Variants in ADAM19 observed in about 807,000 individuals in gnomAD.
ADAM19 encodes disintegrin and metalloproteinase domain-containing protein 19.
In ADAM19, 65 loss-of-function variants were observed where a neutral mutation model predicts 114.7. The observed-to-expected ratio is 0.57, with a 90% CI of 0.46 to 0.70. ADAM19 has a LOEUF of 0.70. Among genes scored for constraint, ADAM19 ranks in the 30% least tolerant of loss-of-function variants. The pLI, the probability that ADAM19 is intolerant of heterozygous loss-of-function variation, is 0.00. For synonymous variants in ADAM19, 466 were observed against 460.5 expected (o/e 1.01, Z -0.15); for missense variants, 1,063 against 1,204.7 (o/e 0.88, Z 1.74).
At position 157,491,929 on chromosome 5, in the gene ADAM19, CAG is replaced by C; in HGVS notation, c.1909-19_1909-18del. 6.2e-7 allele frequency: 1 copy of C among 1,613,398 alleles called. No individual in the cohort carries two copies. Among genetic ancestry groups the C allele is most frequent in the Non-Finnish European group, 8.5e-7 (1 of 1,179,366 alleles). ...AAAGCAAATCTGCACGGAGAGAAAA[CAG>C]AACGATCAGTGCAATGGGAGGGATG... On this transcript the variant is annotated intron_variant, in intron 16 of 22. Transcript: ENST00000257527.
intron 5 of ADAM19, among the ~76,000 whole-genome samples, chr5:157,521,350 A>G (rs191212179): frequency 6.2e-4 from 95 of 152,296 alleles, no homozygotes; most frequent in African/African-American, 2.2e-3. Context: ...ATGCTCTAAA[A>G]CCTCAGGCAG....
chr5:157,567,571 G>T (rs1230455786), intron 2 of ADAM19, among the ~76,000 whole-genome samples: 2 of 152,178 alleles, frequency 1.3e-5, no homozygotes, highest in Non-Finnish European at 2.9e-5. Context: ...GCCAAGGTGG[G>T]CGGATCCCTG....
At chr5:157,534,831 G>A (rs1298066321) in intron 4 of ADAM19, among the ~76,000 whole-genome samples, 1 of 152,194 alleles carries the variant, frequency 6.6e-6, no homozygotes, top group Non-Finnish European at 1.5e-5. Flanking sequence ...ACAGCAAAGT[G>A]GATACTGGAA....
chr5:157,520,147 C>A, intron 5 of ADAM19, 116 bp from the exon 6 acceptor site: 1 of 1,022,580 alleles, frequency 9.8e-7, no homozygotes, highest in Non-Finnish European at 1.4e-6. Flanking sequence ...ATCATTGGTT[C>A]TTAACCTAAT....
rs1754656931 is a variant in ADAM19 at position 157,478,359 on chromosome 5, G to C, written c.*2590C>G. ...CCTGAACGTGGTTCTTTCTAGCCATGTTTACTTCTTCCAATAAAAGAAAAG... is the reference window on the plus strand; with the variant it reads ...CCTGAACGTGGTTCTTTCTAGCCATCTTTACTTCTTCCAATAAAAGAAAAG... On this transcript the variant is annotated 3_prime_UTR_variant, in exon 23 of 23. Coordinates refer to ENST00000257527, the MANE Select transcript of ADAM19 (RefSeq NM_033274.5). 6.5e-6 allele frequency: 1 copy of C among 153,294 alleles called. No individual in the cohort carries two copies. Among genetic ancestry groups the C allele is most frequent in the South Asian group, 2.1e-4 (1 of 4,778 alleles). The allele number at this position is 153,294 out of a possible 1,614,324, so 9.5% of individuals were successfully genotyped here.
chr5:157,569,051 G>A (rs548152709), intron 2 of ADAM19: 1 of 152,232 alleles, frequency 6.6e-6, no homozygotes, highest in East Asian at 1.9e-4. Context: ...TCCTCAGGGG[G>A]TATGAATAGG....
intron 7 of ADAM19, 67 bp from the exon 8 acceptor site, chr5:157,513,572 T>C: frequency 7.1e-7 from 1 of 1,416,206 alleles, no homozygotes; most frequent in Non-Finnish European, 1.0e-6. Context: ...TGCGCCCCAT[T>C]ACTTGTCTTT....
intron 3 of ADAM19, among the ~76,000 whole-genome samples, chr5:157,556,344 G>A (rs1449427141): frequency 4.7e-5 from 7 of 148,420 alleles, no homozygotes; most frequent in East Asian, 2.0e-4. Flanking sequence ...TCAACCTCCC[G>A]AGTAGCTGGG....
intron 3 of ADAM19, among the ~76,000 whole-genome samples, chr5:157,548,186 G>A (rs539232317): frequency 5.3e-5 from 8 of 151,870 alleles, no homozygotes; most frequent in South Asian, 4.2e-4. Context: ...CAGACTTCCC[G>A]TGCCCCCAAT....
intron 15 of ADAM19, 112 bp downstream of exon 15, chr5:157,494,575 C>T (rs1014372461): frequency 6.9e-5 from 54 of 784,198 alleles, no homozygotes; most frequent in Non-Finnish European, 8.4e-5. Context: ...AACTGATTGA[C>T]GTAAAGGTGC....
At chr5:157,550,261 G>C (rs369910449) in intron 3 of ADAM19, among the ~76,000 whole-genome samples, 4 of 152,304 alleles carry the variant, frequency 2.6e-5, no homozygotes, top group South Asian at 2.1e-4. Context: ...CTTATCCCAG[G>C]CTCTCTCCTG....
intron 2 of ADAM19, among the ~76,000 whole-genome samples, chr5:157,565,454 C>T (rs976279445): frequency 2.0e-5 from 3 of 152,186 alleles, no homozygotes; most frequent in Non-Finnish European, 2.9e-5. Flanking sequence ...CACAGTGGCT[C>T]ACGCCTGTAA....
intron 8 of ADAM19, among the ~76,000 whole-genome samples, chr5:157,510,717 G>A (rs1475036111): frequency 1.3e-5 from 2 of 152,182 alleles, no homozygotes; most frequent in Non-Finnish European, 2.9e-5. Flanking sequence ...ATGTGTTAGA[G>A]TGTATTCGTT....
At chr5:157,562,547 T>G (rs1183032878) in intron 3 of ADAM19, among the ~76,000 whole-genome samples, 1 of 152,180 alleles carries the variant, frequency 6.6e-6, no homozygotes, top group Non-Finnish European at 1.5e-5. Context: ...TACCCTCATT[T>G]TATAAACAAG....
Position 157,575,690 on chromosome 5 carries a change from C to T in ADAM19, c.7G>A (p.Gly3Arg). MP[G>R]GAGAARLCLL... ...CAGAGCCGGGCGGCGCCTGCGCCCCCTGGCATGGTGGCGGCGGCCCTTAGC... is the reference window on the plus strand; with the variant it reads ...CAGAGCCGGGCGGCGCCTGCGCCCCTTGGCATGGTGGCGGCGGCCCTTAGC... The change falls in exon 1 of 23, where the codon GGG (glycine) becomes AGG (arginine). Residue 3 changes from glycine to arginine, a missense_variant. Physicochemically the swap from Gly to Arg is moderately radical, Grantham distance 125. Coordinates refer to ENST00000257527, the MANE Select transcript of ADAM19 (RefSeq NM_033274.5). The T allele has an allele frequency of 3.0e-6, 4 of 1,330,980 alleles. No individual in the cohort carries two copies. Among genetic ancestry groups the T allele is most frequent in the Non-Finnish European group, 3.8e-6 (4 of 1,045,288 alleles). The allele number at this position is 1,330,980 out of a possible 1,614,324, so 82.4% of individuals were successfully genotyped here.
At chr5:157,571,101 G>T in intron 1 of ADAM19, 121 bp from the exon 2 acceptor site, 2 of 772,586 alleles carry the variant, frequency 2.6e-6, no homozygotes, top group Non-Finnish European at 4.2e-6. Context: ...TGGATTTCAG[G>T]CTCTTGGCAC....
intron 4 of ADAM19, among the ~76,000 whole-genome samples, chr5:157,535,428 T>C (rs1325311681): frequency 6.6e-6 from 1 of 152,222 alleles, no homozygotes; most frequent in Non-Finnish European, 1.5e-5. Flanking sequence ...AGCTGAGTAG[T>C]TTATTCCATT....
chr5:157,488,348 A>C lies in ADAM19; in HGVS notation c.2467T>G (p.Ser823Ala). 1 of 1,614,064 alleles carries C rather than the reference A, an allele frequency of 6.2e-7. No homozygotes were observed. The highest frequency in any genetic ancestry group is 8.5e-7 in the Non-Finnish European group (1 of 1,180,010). The change falls in exon 21 of 23, where the codon TCT (serine) becomes GCT (alanine). Residue 823 changes from serine (S) to alanine (A), a missense_variant. Ser to Ala is a moderately conservative substitution (Grantham distance 99). Transcript: ENST00000257527. Reference sequence around the variant, plus strand: ...GACGACTCCGTCCTCTCTATTTGAGACCCGGGCCCTGGGGAGTTCCTAGCA... The same window carrying C: ...GACGACTCCGTCCTCTCTATTTGAGCCCCGGGCCCTGGGGAGTTCCTAGCA... The part of the protein sequence containing the change: ...RAARNSPGPG[S>A]QIERTESSRR...
At chr5:157,518,775 G>T (rs1434070058) in intron 7 of ADAM19, 48 bp downstream of exon 7, 1 of 1,381,542 alleles carries the variant, frequency 7.2e-7, no homozygotes, top group Non-Finnish European at 1.0e-6. Flanking sequence ...TGGAATGGAA[G>T]CTATCAAGAG....
Sources: allele counts gnomAD v4.1 joint callset (sites outside exome capture counted in the v4.1 genomes callset), GRCh38; gene constraint gnomAD v4.1.1; transcripts MANE v1.5; gene names NCBI Gene and HGNC (gene_info 2026-07-23, HGNC 2026-07-21).